The following MBNL2 variants were observed in gnomAD, a reference collection of about 807,000 sequenced individuals.
MBNL2 encodes muscleblind-like protein 2.
A neutral mutation model predicts 41.9 loss-of-function variants in MBNL2; 17 were observed. That is an observed-to-expected ratio of 0.41 (90% CI 0.28 to 0.61). The LOEUF is 0.61. Among genes scored for constraint, MBNL2 ranks in the 20% least tolerant of loss-of-function variants. The pLI is 0.35. For synonymous variants in MBNL2, 195 were observed against 182.9 expected (o/e 1.07, Z -0.53); for missense variants, 336 against 505.6 (o/e 0.66, Z 3.22).
At position 97,357,539 on chromosome 13, in the gene MBNL2, A is replaced by G. The variant is rs2063094386; in HGVS notation, c.916A>G (p.Asn306Asp). The change falls in exon 7 of 9, where the codon AAT (asparagine) becomes GAT (aspartate). Residue 306 changes from asparagine (N) to aspartate (D), a missense_variant. Asn to Asp is a conservative substitution (Grantham distance 23). Coordinates refer to ENST00000679496, the MANE Select transcript of MBNL2 (RefSeq NM_001382683.1). ...AAAGAGACAAGCACTTGAAAAAAGC[A>G]ATGGTACCAGCGCGGTCTTTAACCC... is the stretch of plus-strand genomic sequence containing the variant. ...LPKRQALEKS[N>D]GTSAVFNPSV... 1 of 1,614,162 alleles carries G rather than the reference A, an allele frequency of 6.2e-7. No individual in the cohort carries two copies. The highest frequency in any genetic ancestry group is 8.5e-7 in the Non-Finnish European group (1 of 1,180,034).
chr13:97,208,513 G>A, the MBNL2 span, among the ~76,000 whole-genome samples: 4 of 152,168 alleles, frequency 2.6e-5, no homozygotes, highest in Admixed American at 6.5e-5. Context: ...GCTGATTCAT[G>A]GATTTCTCTA....
At chr13:97,165,913 T>C in the MBNL2 span, among the ~76,000 whole-genome samples, 2 of 152,346 alleles carry the variant, frequency 1.3e-5, no homozygotes, top group East Asian at 3.9e-4. Flanking sequence ...GTTTCCAAAC[T>C]CAGGAGCTGT....
At chr13:97,336,873 T>C (rs2060931047) in intron 3 of MBNL2, among the ~76,000 whole-genome samples, 1 of 152,198 alleles carries the variant, frequency 6.6e-6, no homozygotes, top group African/African-American at 2.4e-5. Context: ...ATCATTCCAT[T>C]TTAGGTCTCA....
At chr13:97,211,717 C>T in the MBNL2 span, among the ~76,000 whole-genome samples, 1 of 152,146 alleles carries the variant, frequency 6.6e-6, no homozygotes, top group African/African-American at 2.4e-5. Flanking sequence ...AAGAATATAC[C>T]CATGACATGA....
At chr13:97,177,283 G>A in the MBNL2 span, among the ~76,000 whole-genome samples, 3 of 152,290 alleles carry the variant, frequency 2.0e-5, no homozygotes, top group South Asian at 6.2e-4. Context: ...AGGTTTCAAT[G>A]AGCTGAGATC....
intron 2 of MBNL2, among the ~76,000 whole-genome samples, chr13:97,307,464 A>G (rs2058227922): frequency 6.6e-6 from 1 of 152,126 alleles, no homozygotes; most frequent in Non-Finnish European, 1.5e-5. Context: ...CCAGAAATGT[A>G]TGAATGAACA....
the MBNL2 span, among the ~76,000 whole-genome samples, chr13:97,193,097 A>G: frequency 6.6e-6 from 1 of 152,214 alleles, no homozygotes; most frequent in Non-Finnish European, 1.5e-5. Context: ...GTTTTGAAAG[A>G]AGGCTGCAGT....
intron 5 of MBNL2, among the ~76,000 whole-genome samples, chr13:97,347,776 G>A (rs1232567897): frequency 1.3e-5 from 2 of 152,156 alleles, no homozygotes; most frequent in Admixed American, 6.5e-5. Context: ...CAGAATCTCG[G>A]AGAGCCTAAC....
intron 5 of MBNL2, among the ~76,000 whole-genome samples, chr13:97,352,035 T>TATAAATAAATAAATAAATAA (rs146632066): frequency 7.0e-4 from 104 of 148,728 alleles, no homozygotes; most frequent in African/African-American, 1.6e-3. Flanking sequence ...AAAATAAAAA[T>TATAAATAAATAAATAAATAA]ATAAATAAAT....
the MBNL2 span, among the ~76,000 whole-genome samples, chr13:97,196,460 G>A: frequency 1.3e-5 from 2 of 152,152 alleles, no homozygotes; most frequent in East Asian, 3.8e-4. Flanking sequence ...TAGAGGTGTA[G>A]GCATAGTAAA....
chr13:97,158,491 G>A, the MBNL2 span, among the ~76,000 whole-genome samples: 1 of 151,918 alleles, frequency 6.6e-6, no homozygotes. Flanking sequence ...TGATGTTAGG[G>A]TGTCAATTTT....
chr13:97,167,099 T>C, the MBNL2 span, among the ~76,000 whole-genome samples: 1 of 152,224 alleles, frequency 6.6e-6, no homozygotes, highest in Admixed American at 6.5e-5. Flanking sequence ...GTAATATTTG[T>C]TGAACTAATG....
At position 97,283,741 on chromosome 13, in the gene MBNL2, C is replaced by T. The variant is rs555600662; in HGVS notation, c.174+7332C>T. ...GATCATTAAAAAAATCTTTGGGTTA[C>T]TTTACAAATTTTCCCAGAGTCAAGA... On this transcript the variant is annotated intron_variant, in intron 2 of 8. Coordinates refer to ENST00000679496, the MANE Select transcript of MBNL2 (RefSeq NM_001382683.1). Among the ~76,000 whole-genome samples, 10 of 152,270 alleles carry T rather than the reference C, an allele frequency of 6.6e-5. No homozygotes were observed. In the East Asian group the frequency reaches 1.7e-3, roughly 26 times the overall value.
intron 3 of MBNL2, 110 bp from the exon 4 acceptor site, chr13:97,342,906 A>G: frequency 7.5e-6 from 5 of 666,858 alleles, no homozygotes; most frequent in Non-Finnish European, 1.3e-5. Context: ...GAGCTATACA[A>G]TTAACACAGA....
At chr13:97,337,455 T>C (rs1566425458) in intron 3 of MBNL2, among the ~76,000 whole-genome samples, 3 of 152,178 alleles carry the variant, frequency 2.0e-5, no homozygotes, top group South Asian at 4.1e-4. Flanking sequence ...TTGCCCACCA[T>C]TTTCCTCTTC....
upstream of MBNL2, chr13:97,221,582 T>C (rs2040862606): frequency 6.6e-6 from 1 of 152,154 alleles, no homozygotes; most frequent in East Asian, 1.9e-4. Context: ...ACAGTATTTA[T>C]CAAATGGCAT....
At chr13:97,194,448 C>T in the MBNL2 span, among the ~76,000 whole-genome samples, 1 of 152,186 alleles carries the variant, frequency 6.6e-6, no homozygotes, top group Non-Finnish European at 1.5e-5. Flanking sequence ...CCCTGCCCAC[C>T]CATTCAGCCC....
intron 1 of MBNL2, among the ~76,000 whole-genome samples, chr13:97,253,976 G>A (rs995203226): frequency 1.7e-4 from 26 of 151,962 alleles, no homozygotes; most frequent in African/African-American, 5.3e-4. Flanking sequence ...TGCAACCTCC[G>A]CCTCCTGGGT....
chr13:97,266,635 G>A (rs1010602427), intron 1 of MBNL2, among the ~76,000 whole-genome samples: 5 of 152,250 alleles, frequency 3.3e-5, no homozygotes, highest in African/African-American at 1.2e-4. Flanking sequence ...AGAGCACATT[G>A]AGAGCTATTT....
Sources: gnomAD v4.1 joint callset for allele counts (sites outside exome capture counted in the v4.1 genomes callset) on GRCh38, gnomAD v4.1.1 for gene constraint, MANE v1.5 for transcripts, NCBI Gene and HGNC (gene_info 2026-07-23, HGNC 2026-07-21) for gene names.